The following TMEM135 variants were observed in gnomAD, a reference collection of about 807,000 sequenced individuals.
The protein encoded by TMEM135 is peroxisomal membrane protein 52.
A neutral mutation model predicts 60.3 loss-of-function variants in TMEM135; 30 were observed. That is an observed-to-expected ratio of 0.50 (90% CI 0.37 to 0.68). TMEM135 has a LOEUF of 0.68. Ranked by LOEUF, TMEM135 falls within the 30% of genes least tolerant of loss-of-function variation. The pLI, the probability that TMEM135 is intolerant of heterozygous loss-of-function variation, is 0.00. For synonymous variants in TMEM135, 190 were observed against 186.7 expected, an observed-to-expected ratio of 1.02 and a Z score of -0.14; for missense variants, 468 against 548.8, an observed-to-expected ratio of 0.85 and a Z score of 1.47.
chr11:87,073,935 T>G (rs1304308067), intron 3 of TMEM135, among the ~76,000 whole-genome samples: 1 of 152,110 alleles, frequency 6.6e-6, no homozygotes, highest in South Asian at 2.1e-4. Context: ...TCCAAAGTGC[T>G]GGGATTACCT....
At chr11:87,252,406 A>C (rs2135392481) in intron 6 of TMEM135, among the ~76,000 whole-genome samples, 1 of 152,300 alleles carries the variant, frequency 6.6e-6, no homozygotes, top group South Asian at 2.1e-4. Context: ...AAAAAGTAGA[A>C]AATAGAAAAA....
rs369679546 is a variant in TMEM135 at position 87,307,557 on chromosome 11, TA to T, written c.768+1559del. 4.0e-3 allele frequency among the ~76,000 whole-genome samples: 611 copies of T among 152,154 alleles called. 3 individuals are homozygous for T. Among genetic ancestry groups the T allele is most frequent in the African/African-American group, 0.014 (570 of 41,502 alleles). Reference sequence around the variant, plus strand: ...AAATTTGGCGTGGGGAAGGTGATATTAAAAAAATTGTATGAGAAAGTTAGTG... The same window carrying T: ...AAATTTGGCGTGGGGAAGGTGATATTAAAAAATTGTATGAGAAAGTTAGTG... On this transcript the variant is annotated intron_variant, in intron 9 of 14. Transcript: ENST00000305494.
intron 4 of TMEM135, among the ~76,000 whole-genome samples, chr11:87,124,320 C>G (rs1937661378): frequency 2.0e-5 from 3 of 152,160 alleles, no homozygotes. Context: ...TTTTATATGA[C>G]ACTGCCATTA....
intron 6 of TMEM135, among the ~76,000 whole-genome samples, chr11:87,263,834 C>T (rs145355291): frequency 1.8e-3 from 276 of 152,058 alleles, no homozygotes; most frequent in African/African-American, 5.3e-3. Flanking sequence ...AATTTACTTT[C>T]AAATACCATT....
intron 6 of TMEM135, among the ~76,000 whole-genome samples, chr11:87,242,694 G>C: frequency 1.4e-5 from 2 of 142,368 alleles, no homozygotes; most frequent in Non-Finnish European, 1.5e-5. Context: ...CTTTTTGATG[G>C]GGTTGTTTGT....
chr11:87,154,271 T>C (rs1410802773), intron 4 of TMEM135, among the ~76,000 whole-genome samples: 1 of 152,222 alleles, frequency 6.6e-6, no homozygotes, highest in African/African-American at 2.4e-5. Flanking sequence ...TAGCATAATA[T>C]CTTCAGTGCT....
intron 6 of TMEM135, among the ~76,000 whole-genome samples, chr11:87,276,352 G>T (rs1941965620): frequency 6.6e-6 from 1 of 152,056 alleles, no homozygotes; most frequent in African/African-American, 2.4e-5. Context: ...GTGATGTCAA[G>T]TACTTAACCA....
intron 5 of TMEM135, among the ~76,000 whole-genome samples, chr11:87,182,233 C>T (rs991613923): frequency 6.6e-6 from 1 of 151,768 alleles, no homozygotes; most frequent in Non-Finnish European, 1.5e-5. Flanking sequence ...TATTGTGTGA[C>T]CTACATGCTA....
At chr11:87,287,137 G>C (rs553535156) in intron 6 of TMEM135, among the ~76,000 whole-genome samples, 2 of 152,306 alleles carry the variant, frequency 1.3e-5, no homozygotes, top group South Asian at 2.1e-4. Flanking sequence ...ATTTGAGGTA[G>C]ATGATGTAAA....
At chr11:87,256,049 C>G (rs962812147) in intron 6 of TMEM135, among the ~76,000 whole-genome samples, 2 of 152,222 alleles carry the variant, frequency 1.3e-5, no homozygotes, top group Admixed American at 1.3e-4. Flanking sequence ...ACCTCAAGAC[C>G]TGCCTATTAC....
chr11:87,155,084 C>T (rs941186065), intron 4 of TMEM135, among the ~76,000 whole-genome samples: 6 of 138,732 alleles, frequency 4.3e-5, no homozygotes, highest in Admixed American at 3.7e-4. Context: ...CTGCAACCTC[C>T]GTCTCCCAAG....
intron 6 of TMEM135, among the ~76,000 whole-genome samples, chr11:87,247,906 G>T (rs1033022635): frequency 2.0e-5 from 3 of 151,948 alleles, no homozygotes; most frequent in East Asian, 3.9e-4. Context: ...AGATAAACCC[G>T]GTACCTCAGA....
chr11:87,227,813 G>A (rs1448490852), intron 5 of TMEM135, among the ~76,000 whole-genome samples: 1 of 152,096 alleles, frequency 6.6e-6, no homozygotes, highest in Non-Finnish European at 1.5e-5. Flanking sequence ...TTTCAGAAAA[G>A]TTGAAGATGC....
intron 4 of TMEM135, among the ~76,000 whole-genome samples, chr11:87,138,687 G>C (rs2135242328): frequency 6.6e-6 from 1 of 152,246 alleles, no homozygotes; most frequent in East Asian, 1.9e-4. Context: ...TTACTATATA[G>C]TATGATACAT....
chr11:87,196,021 A>G (rs568273543), intron 5 of TMEM135, among the ~76,000 whole-genome samples: 12 of 152,188 alleles, frequency 7.9e-5, no homozygotes, highest in South Asian at 2.1e-4. Flanking sequence ...AAAATTTTAC[A>G]TAGTATCTGT....
intron 5 of TMEM135, among the ~76,000 whole-genome samples, chr11:87,159,577 C>T (rs1170833325): frequency 8.0e-6 from 1 of 125,026 alleles, no homozygotes; most frequent in Non-Finnish European, 1.6e-5. Flanking sequence ...AAAGATACTA[C>T]TGAATACACA....
At position 87,069,618 on chromosome 11, in the gene TMEM135, T is replaced by TAG. The variant is rs1352072098; in HGVS notation, c.269+1797_269+1798insAG. On this transcript the variant is annotated intron_variant, in intron 2 of 14. Transcript: ENST00000305494. ...GACATGTTGCTTTTTATGGTGCCTA[T>TAG]GGACATCTACGTTAACGTGTCCAAT... is the stretch of plus-strand genomic sequence containing the variant. Among the ~76,000 whole-genome samples, 38 of 152,330 alleles carry TAG rather than the reference T, an allele frequency of 2.5e-4. 2 individuals carry two copies. The South Asian group carries it at 7.7e-3, about 31-fold the overall frequency.
rs922010755 is a variant in TMEM135 at position 87,311,080 on chromosome 11, A to G, written c.936+1408A>G. 2.1e-5 allele frequency among the ~76,000 whole-genome samples: 3 copies of G among 143,712 alleles called. No homozygotes were observed. In the South Asian group the frequency reaches 6.8e-4, roughly 33 times the overall value. 94.3% of individuals were successfully genotyped at this position (143,712 alleles called of 152,430 possible). A position where few individuals can be genotyped will look rare whatever the true frequency, so the allele number is the denominator to read the frequency against. On this transcript the variant is annotated intron_variant, in intron 10 of 14. Coordinates refer to ENST00000305494, the MANE Select transcript of TMEM135 (RefSeq NM_022918.4). Reference sequence around the variant, plus strand: ...TTAATAAATATATTGAAAGAAGAATATATATTCTGTGGGTATATATATATG... The same window carrying G: ...TTAATAAATATATTGAAAGAAGAATGTATATTCTGTGGGTATATATATATG...
chr11:87,304,827 G>C (rs1942512624), intron 8 of TMEM135, among the ~76,000 whole-genome samples: 1 of 152,212 alleles, frequency 6.6e-6, no homozygotes, highest in Admixed American at 6.5e-5. Flanking sequence ...AAGTTATAAA[G>C]ACCGCTTATT....
Sources: allele counts gnomAD v4.1 joint callset (sites outside exome capture counted in the v4.1 genomes callset), GRCh38; gene constraint gnomAD v4.1.1; transcripts MANE v1.5; gene names NCBI Gene and HGNC (gene_info 2026-07-23, HGNC 2026-07-21).